Variants in MTPAP observed in about 807,000 individuals in gnomAD.
MTPAP encodes the protein mitochondrial poly(A) polymerase.
MTPAP carries 23 observed loss-of-function variants against 48.7 expected under a neutral mutation model. The observed-to-expected ratio is 0.47, with a 90% confidence interval of 0.34 to 0.67. The LOEUF is 0.67. Among genes scored for constraint, MTPAP ranks in the 30% least tolerant of loss-of-function variants. The pLI is 0.01. For synonymous variants in MTPAP, 257 were observed against 254.1 expected, an observed-to-expected ratio of 1.01 and a Z score of -0.11; for missense variants, 614 against 694.3, an observed-to-expected ratio of 0.88 and a Z score of 1.30.
At chr10:30,317,491 T>C (rs1226511824) in intron 6 of MTPAP, among the ~76,000 whole-genome samples, 1 of 152,200 alleles carries the variant, frequency 6.6e-6, no homozygotes, top group African/African-American at 2.4e-5. Context: ...ATTTATATCT[T>C]AAGAGGTAAT....
At chr10:30,348,466 G>A (rs1564525605) in intron 1 of MTPAP, among the ~76,000 whole-genome samples, 1 of 152,178 alleles carries the variant, frequency 6.6e-6, no homozygotes, top group African/African-American at 2.4e-5. Flanking sequence ...TTTAAGAACT[G>A]TAAATAGAAT....
In MTPAP at chr10:30,340,438, C is replaced by T. The variant is rs1208643708; in HGVS notation, c.343G>A (p.Val115Ile). The T allele has an allele frequency of 8.1e-6, 13 of 1,613,576 alleles. No homozygotes were observed. Among genetic ancestry groups the T allele is most frequent in the Admixed American group, 5.0e-5 (3 of 59,984 alleles). The stretch of plus-strand genomic sequence containing the variant: ...CTTTCCTTTTGGCAAAATTCTACGA[C>T]AGCATAGAGACCCTATACCAAAAAC... ...FFYESFGLYA[V>I]VEFCQKESIG... The change falls in exon 3 of 9, where the codon GTC (valine) becomes ATC (isoleucine). Residue 115 changes from valine (V) to isoleucine (I), a missense_variant. By Grantham distance (29) the Val-to-Ile change is conservative (BLOSUM62 3). Transcript: ENST00000263063.
chr10:30,314,154 G>GT (rs906987231), intron 8 of MTPAP, among the ~76,000 whole-genome samples, 183 bp from the exon 9 acceptor site: 112 of 148,026 alleles, frequency 7.6e-4, no homozygotes, highest in Middle Eastern at 3.4e-3. Flanking sequence ...CTCATTTTTT[G>GT]TTTTTTTTTT....
In MTPAP at chr10:30,313,686, G is replaced by A. The variant is rs1238943291; in HGVS notation, c.1672C>T (p.Leu558=). The A allele has an allele frequency of 1.9e-6, 3 of 1,614,076 alleles. No individual in the cohort carries two copies. The highest frequency in any genetic ancestry group is 1.7e-5 in the Admixed American group (1 of 60,016). Residue 558 remains leucine, a synonymous_variant, in exon 9 of 9, where the codon CTA becomes TTA. Transcript: ENST00000263063. ...GTTCTGTTACCTTTTAAAGATTCTA[G>A]CAAGTTTTTGACTGTTTCAATTGCA... ...KFAIETVKNL[L]ESLKGNRTEN...
At chr10:30,315,862 G>A (rs1840655528) in intron 8 of MTPAP, 101 bp downstream of exon 8, 3 of 1,255,118 alleles carry the variant, frequency 2.4e-6, no homozygotes, top group Non-Finnish European at 3.3e-6. Context: ...CTACACAAAA[G>A]AAATAAATAA....
At chr10:30,324,256 G>T (rs1029913640) in intron 5 of MTPAP, among the ~76,000 whole-genome samples, 1 of 152,032 alleles carries the variant, frequency 6.6e-6, no homozygotes, top group Admixed American at 6.5e-5. Flanking sequence ...TGTGGCTCAC[G>T]CCTGTAGTCC....
At chr10:30,318,270 C>T (rs1051145342) in intron 6 of MTPAP, among the ~76,000 whole-genome samples, 1 of 152,082 alleles carries the variant, frequency 6.6e-6, no homozygotes, top group Non-Finnish European at 1.5e-5. Context: ...ACCTGGTTAC[C>T]TGCATAATTT....
At chr10:30,347,123 C>T (rs548061612) in intron 1 of MTPAP, among the ~76,000 whole-genome samples, 1 of 152,164 alleles carries the variant, frequency 6.6e-6, no homozygotes, top group African/African-American at 2.4e-5. Flanking sequence ...GAAAGAATCC[C>T]GAATAATACA....
rs752387294 is a variant in MTPAP at position 30,322,623 on chromosome 10, A to G, written c.993-6T>C. The G allele has an allele frequency of 3.3e-5, 52 of 1,587,454 alleles. No homozygotes were observed. Among genetic ancestry groups the G allele is most frequent in the Non-Finnish European group, 5.2e-6 (6 of 1,159,960 alleles). ...CGGAACTTGTCAAGGCAATCCTTCA[A>G]AAAATAAAAATAAGAAAAATGTTCA... is the stretch of plus-strand genomic sequence containing the variant. On this transcript the variant is annotated splice_polypyrimidine_tract_variant and splice_region_variant and intron_variant, in intron 5 of 8. Transcript: ENST00000263063.
At chr10:30,349,278 C>CA (rs1554819193), upstream of MTPAP, 1 of 879,570 alleles carries the variant, frequency 1.1e-6, no homozygotes, top group Non-Finnish European at 1.4e-6. Flanking sequence ...ACCGCCATTG[C>CA]TAAAAAAAAA....
In MTPAP at chr10:30,342,448, C is replaced by T. The variant is rs957947526; in HGVS notation, c.158-808G>A. On this transcript the variant is annotated intron_variant, in intron 1 of 8. Transcript: ENST00000263063. ...GTGGAATTACTGCACTTTCAGTGTTCGTTTGACTACTCTCCCATGACTACT... is the reference window on the plus strand; with the variant it reads ...GTGGAATTACTGCACTTTCAGTGTTTGTTTGACTACTCTCCCATGACTACT... 4.7e-5 allele frequency among the ~76,000 whole-genome samples: 7 copies of T among 149,878 alleles called. No homozygotes were observed. In the East Asian group the frequency reaches 9.8e-4, roughly 21 times the overall value.
intron 4 of MTPAP, among the ~76,000 whole-genome samples, chr10:30,327,535 TAAA>T (rs1564520707): frequency 2.7e-5 from 4 of 148,442 alleles, no homozygotes; most frequent in Admixed American, 2.0e-4. Flanking sequence ...AATAAATAAA[TAAA>T]TAAATTACTA....
chr10:30,333,758 T>C (rs565878049), intron 4 of MTPAP, among the ~76,000 whole-genome samples: 1 of 152,072 alleles, frequency 6.6e-6, no homozygotes, highest in South Asian at 2.1e-4. Context: ...CTAAAATAAT[T>C]AGCCGGAAGC....
At chr10:30,324,990 C>CAAAAA (rs58151057) in intron 5 of MTPAP, among the ~76,000 whole-genome samples, 1 of 123,012 alleles carries the variant, frequency 8.1e-6, no homozygotes, top group African/African-American at 2.9e-5. Flanking sequence ...GACTATGTCT[C>CAAAAA]AAAAAAAAAA....
chr10:30,314,902 A>G lies in MTPAP; in HGVS notation c.1387-931T>C, dbSNP rs1333778340. On this transcript the variant is annotated intron_variant, in intron 8 of 8. Transcript: ENST00000263063. ...ACAAAAACAAAAAAAAAAAAAAAAA[A>G]AAAGAAGAGAAAAGAAAAAGAAAAG... Among the ~76,000 whole-genome samples, 64 of 128,986 alleles carry G rather than the reference A, an allele frequency of 5.0e-4. 2 individuals are homozygous for G. The highest frequency in any genetic ancestry group is 2.4e-3 in the African/African-American group (55 of 22,694). The allele number at this position is 128,986 out of a possible 152,430, so 84.6% of individuals were successfully genotyped here.
intron 6 of MTPAP, among the ~76,000 whole-genome samples, chr10:30,317,245 G>A (rs904976291): frequency 2.0e-5 from 3 of 152,122 alleles, no homozygotes; most frequent in African/African-American, 7.2e-5. Context: ...TGGAAATGTA[G>A]GGAGTTCCCC....
At chr10:30,316,615 C>T (rs1004511512) in intron 6 of MTPAP, among the ~76,000 whole-genome samples, 6 of 151,124 alleles carry the variant, frequency 4.0e-5, no homozygotes, top group South Asian at 2.1e-4. Context: ...TAAGGCCAGG[C>T]GCGGTGGCTC....
Position 30,312,317 on chromosome 10 carries a change from A to C in MTPAP, c.*1292T>G, listed in dbSNP as rs981744753. 1.3e-5 allele frequency: 2 copies of C among 152,118 alleles called. No homozygotes were observed. The highest frequency in any genetic ancestry group is 2.9e-5 in the Non-Finnish European group (2 of 68,050). The allele number at this position is 152,118 out of a possible 1,614,324, so 9.4% of individuals were successfully genotyped here. On this transcript the variant is annotated 3_prime_UTR_variant, in exon 9 of 9. Transcript: ENST00000263063. ...TATTCTCGGCCAGGCATGGTGGCTCACGCTTGTAATCCCAGCACTTTGGGA... is the reference window on the plus strand; with the variant it reads ...TATTCTCGGCCAGGCATGGTGGCTCCCGCTTGTAATCCCAGCACTTTGGGA...
intron 3 of MTPAP, among the ~76,000 whole-genome samples, chr10:30,339,135 AAAAC>A (rs1246838783): frequency 6.6e-6 from 1 of 151,804 alleles, no homozygotes; most frequent in East Asian, 1.9e-4. Flanking sequence ...AACAAAAACA[AAAAC>A]AAACAAACAA....
Sources: gnomAD v4.1 joint callset for allele counts (sites outside exome capture counted in the v4.1 genomes callset) on GRCh38, gnomAD v4.1.1 for gene constraint, MANE v1.5 for transcripts, NCBI Gene and HGNC (gene_info 2026-07-23, HGNC 2026-07-21) for gene names.